The following BRF1 variants were observed in gnomAD, a reference collection of about 807,000 sequenced individuals.
BRF1 encodes BRF1 general transcription factor IIIB subunit.
In BRF1, 59 loss-of-function variants were observed where a neutral mutation model predicts 81.7. That is an observed-to-expected ratio of 0.72 (90% CI 0.59 to 0.90). BRF1 has a LOEUF of 0.90. Ranked by LOEUF, BRF1 falls within the 40% of genes least tolerant of loss-of-function variation. BRF1 has a pLI of 0.00. For synonymous variants in BRF1, 491 were observed against 395.6 expected (o/e 1.24, Z -2.86); for missense variants, 1,050 against 936.3 (o/e 1.12, Z -1.58).
At chr14:105,272,610 T>C in intron 3 of BRF1, 111 bp downstream of exon 3, 1 of 1,342,550 alleles carries the variant, frequency 7.4e-7, no homozygotes, top group Non-Finnish European at 1.0e-6. Context: ...AAGGTGTTTT[T>C]CTATTAAAGA....
At chr14:105,247,604 C>G in intron 5 of BRF1, 1 of 985,436 alleles carries the variant, frequency 1.0e-6, no homozygotes, top group South Asian at 4.7e-5. Context: ...CACAGAGCTC[C>G]TGTTCACTGT....
intron 5 of BRF1, chr14:105,248,047 G>T: frequency 1.0e-6 from 1 of 985,480 alleles, no homozygotes; most frequent in Non-Finnish European, 1.2e-6. Flanking sequence ...CCACCCGCCG[G>T]CTGTGTGACC....
intron 3 of BRF1, among the ~76,000 whole-genome samples, chr14:105,257,441 C>T (rs587594333): frequency 6.6e-6 from 1 of 152,200 alleles, no homozygotes; most frequent in Non-Finnish European, 1.5e-5. Flanking sequence ...GCTGGAGGCC[C>T]CTGACCTCTC....
At chr14:105,268,498 C>T (rs1366960607) in intron 3 of BRF1, among the ~76,000 whole-genome samples, 2 of 152,228 alleles carry the variant, frequency 1.3e-5, no homozygotes, top group Non-Finnish European at 2.9e-5. Flanking sequence ...GGTGTGTGTG[C>T]ACAGCCCCCG....
chr14:105,265,900 C>CAAAAAAAAAAAA (rs34375627), intron 3 of BRF1, among the ~76,000 whole-genome samples: 1 of 75,674 alleles, frequency 1.3e-5, no homozygotes, highest in South Asian at 4.7e-4. Flanking sequence ...GACTCCCTCT[C>CAAAAAAAAAAAA]AAAAAAAAAA....
chr14:105,306,190 C>CT (rs1188360601), intron 1 of BRF1, among the ~76,000 whole-genome samples: 1 of 152,218 alleles, frequency 6.6e-6, no homozygotes, highest in African/African-American at 2.4e-5. Context: ...GAAAAATGAC[C>CT]TGACCAGCAG....
intron 1 of BRF1, among the ~76,000 whole-genome samples, chr14:105,289,806 T>G (rs587775972): frequency 6.6e-6 from 1 of 152,256 alleles, no homozygotes; most frequent in Admixed American, 6.5e-5. Context: ...CAGCTGATTT[T>G]TGTATTTTTA....
chr14:105,249,551 A>T (rs1595383332), intron 5 of BRF1: 5 of 1,593,130 alleles, frequency 3.1e-6, no homozygotes, highest in Non-Finnish European at 4.3e-6. Flanking sequence ...GAAGGGAAGC[A>T]CACAGGAGCT....
intron 2 of BRF1, among the ~76,000 whole-genome samples, chr14:105,279,000 C>T (rs952348972): frequency 2.6e-5 from 4 of 151,976 alleles, no homozygotes; most frequent in East Asian, 1.9e-4. Context: ...GCCGAGATCG[C>T]GCCACTGCAC....
intron 2 of BRF1, 38 bp from the exon 3 acceptor site, chr14:105,272,932 C>A: frequency 6.5e-7 from 1 of 1,537,142 alleles, no homozygotes; most frequent in South Asian, 1.2e-5. Context: ...GCCAAATGTT[C>A]CCACAGAACA....
rs2140392079 is a variant in BRF1 at position 105,269,896 on chromosome 14, C to T, written c.439+2825G>A. On this transcript the variant is annotated intron_variant, in intron 3 of 17. Transcript: ENST00000547530. The surrounding 1 kb of genome is among the most constrained non-coding windows in gnomAD (Gnocchi z 5.0). ...ACAGCTCCTACAAACACAAGGGAGG[C>T]AGGGCCATGGGCTGACCCTGGGCTC... 6.6e-6 allele frequency among the ~76,000 whole-genome samples: 1 copy of T among 152,322 alleles called. No homozygotes were observed. Among genetic ancestry groups the T allele is most frequent in the African/African-American group, 2.4e-5 (1 of 41,582 alleles).
intron 1 of BRF1, among the ~76,000 whole-genome samples, chr14:105,295,470 T>C (rs1285693761): frequency 1.3e-5 from 2 of 151,606 alleles, no homozygotes; most frequent in Non-Finnish European, 2.9e-5. Flanking sequence ...TAGCTGGGTA[T>C]AGTAGGGCGC....
intron 15 of BRF1, among the ~76,000 whole-genome samples, chr14:105,216,920 C>T (rs1595257773): frequency 6.6e-6 from 1 of 152,312 alleles, no homozygotes; most frequent in East Asian, 1.9e-4. Context: ...AGCCACAGGC[C>T]CCCAAGACGC....
At chr14:105,265,065 G>GTTTTTTTTTTTT (rs1491195384) in intron 3 of BRF1, among the ~76,000 whole-genome samples, 2 of 126,376 alleles carry the variant, frequency 1.6e-5, no homozygotes, top group South Asian at 2.6e-4. Flanking sequence ...TTTTTTTTTT[G>GTTTTTTTTTTTT]TTTGTTTGTT....
At chr14:105,241,621 C>T (rs2054654678) in intron 5 of BRF1, 1 of 655,254 alleles carries the variant, frequency 1.5e-6, no homozygotes, top group Non-Finnish European at 2.6e-6. Context: ...TGGCCACCTG[C>T]TGCCAGCCAG....
upstream of BRF1, among the ~76,000 whole-genome samples, chr14:105,305,414 A>G (rs1475234347): frequency 6.6e-6 from 1 of 151,190 alleles, no homozygotes; most frequent in Non-Finnish European, 1.5e-5. Context: ...AGAAAAAAGA[A>G]ACAAGAAAAA....
intron 1 of BRF1, chr14:105,314,713 G>A (rs2058483179): frequency 7.0e-6 from 1 of 143,420 alleles, no homozygotes; most frequent in Non-Finnish European, 1.5e-5. Flanking sequence ...CGCGGGGCGC[G>A]GGCGGGGCGC....
rs1893163194 is a variant in BRF1 at position 105,226,731 on chromosome 14, C to T, written c.818G>A (p.Ser273Asn). The T allele has an allele frequency of 6.2e-7, 1 of 1,613,626 alleles. No individual in the cohort carries two copies. The highest frequency in any genetic ancestry group is 2.2e-5 in the East Asian group (1 of 44,898). ...RLTEFEDTPT[S>N]QLTIDEFMKI... ...CATGAACTCATCAATGGTCAACTGACTGGTGGGGGTGTCTTCAAATTCCGT... is the reference window on the plus strand; with the variant it reads ...CATGAACTCATCAATGGTCAACTGATTGGTGGGGGTGTCTTCAAATTCCGT... Residue 273 changes from serine to asparagine, a missense_variant, in exon 8 of 18, where the codon AGT (serine) becomes AAT (asparagine). This residue lies in a region of BRF1 where 1,043 missense variants were observed against 915.4 expected (regional missense o/e 1.14). Coordinates refer to ENST00000547530, the MANE Select transcript of BRF1 (RefSeq NM_001519.4).
intron 3 of BRF1, among the ~76,000 whole-genome samples, chr14:105,270,033 G>T (rs10132751): frequency 1.1e-4 from 17 of 152,150 alleles, no homozygotes; most frequent in African/African-American, 3.9e-4. Flanking sequence ...CAGGCGGGGC[G>T]GGCAGGGACG....
Sources: gnomAD v4.1 joint callset for allele counts (sites outside exome capture counted in the v4.1 genomes callset) on GRCh38, gnomAD v4.1.1 for gene constraint, gnomAD v4.1.1 regional missense constraint, Gnocchi (gnomAD v3.1) non-coding constraint, MANE v1.5 for transcripts, NCBI Gene and HGNC (gene_info 2026-07-23, HGNC 2026-07-21) for gene names.